USP20: variants seen among roughly 807,000 people sequenced by gnomAD.
USP20 encodes ubiquitin carboxyl-terminal hydrolase 20.
Under a neutral mutation model 124.2 loss-of-function variants are expected in USP20, and 80 were observed. The observed-to-expected ratio is 0.64, with a 90% CI of 0.54 to 0.78. The LOEUF is 0.78. Ranked by LOEUF, USP20 falls within the 30% of genes least tolerant of loss-of-function variation. The pLI is 0.00. For synonymous variants in USP20, 481 were observed against 512.3 expected (o/e 0.94, Z 0.83); for missense variants, 1,043 against 1,244.4 (o/e 0.84, Z 2.44).
At chr9:129,868,731 G>A in intron 11 of USP20, 131 bp from the exon 12 acceptor site, 1 of 1,430,184 alleles carries the variant, frequency 7.0e-7, no homozygotes, top group Middle Eastern at 2.6e-4. Flanking sequence ...CCAGGAGTGG[G>A]CACATGACAG....
intron 6 of USP20, among the ~76,000 whole-genome samples, chr9:129,859,233 C>T (rs560969688): frequency 4.9e-3 from 121 of 24,768 alleles, no homozygotes; most frequent in African/African-American, 0.011. Flanking sequence ...ATGTGTGCAG[C>T]ATCTGCATGG....
At chr9:129,857,100 C>T (rs1032515287) in intron 4 of USP20, among the ~76,000 whole-genome samples, 5 of 151,888 alleles carry the variant, frequency 3.3e-5, no homozygotes, top group Non-Finnish European at 7.4e-5. Flanking sequence ...ACAGCAGCAG[C>T]GAGTGAAGAC....
intron 1 of USP20, among the ~76,000 whole-genome samples, chr9:129,848,196 T>C (rs1014226246): frequency 2.6e-5 from 4 of 152,066 alleles, no homozygotes; most frequent in African/African-American, 9.7e-5. Context: ...CTCAAGGGGC[T>C]GAGGCAAGAG....
intron 15 of USP20, among the ~76,000 whole-genome samples, chr9:129,872,689 T>A (rs1013329145): frequency 6.6e-6 from 1 of 152,178 alleles, no homozygotes; most frequent in African/African-American, 2.4e-5. Context: ...CCATTTTGAC[T>A]TAATTTTCAC....
intron 10 of USP20, 112 bp from the exon 11 acceptor site, chr9:129,867,893 C>A: frequency 7.6e-7 from 1 of 1,318,656 alleles, no homozygotes. Flanking sequence ...CTGCAGGGGG[C>A]GCCCATGAGG....
chr9:129,852,528 G>T lies in USP20; in HGVS notation c.-16-12G>T. The T allele has an allele frequency of 6.4e-7, 1 of 1,574,770 alleles. No homozygotes were observed. The highest frequency in any genetic ancestry group is 8.6e-7 in the Non-Finnish European group (1 of 1,158,846). On this transcript the variant is annotated splice_polypyrimidine_tract_variant and intron_variant, in intron 2 of 25. Coordinates refer to ENST00000372429, the MANE Select transcript of USP20 (RefSeq NM_001110303.4). Reference sequence around the variant, plus strand: ...CTGCCATTAACCCGGGATTGCTTGTGTCTTCTCATAGGTGAGCCCAGGCCA... The same window carrying T: ...CTGCCATTAACCCGGGATTGCTTGTTTCTTCTCATAGGTGAGCCCAGGCCA...
chr9:129,875,701 A>G (rs41279156), intron 21 of USP20, 60 bp downstream of exon 21: 26,434 of 1,553,484 alleles, frequency 0.017, 292 homozygotes, highest in East Asian at 0.024. Flanking sequence ...GGGCAGGAAA[A>G]GAGGGGAGGG....
intron 1 of USP20, among the ~76,000 whole-genome samples, chr9:129,838,407 A>T (rs1270972620): frequency 6.6e-6 from 1 of 152,190 alleles, no homozygotes; most frequent in Non-Finnish European, 1.5e-5. Context: ...GTCATGGCTC[A>T]ATAAATAGAA....
intron 15 of USP20, 71 bp downstream of exon 15, chr9:129,870,618 G>A (rs149164702): frequency 1.1e-4 from 172 of 1,530,470 alleles, no homozygotes; most frequent in African/African-American, 1.8e-4. Flanking sequence ...GACCCCAGCA[G>A]GCCAGCATGC....
intron 22 of USP20, among the ~76,000 whole-genome samples, chr9:129,876,790 A>G (rs887199822): frequency 6.6e-6 from 1 of 152,112 alleles, no homozygotes; most frequent in African/African-American, 2.4e-5. Flanking sequence ...GAACCAGTAG[A>G]TGGATCCCAT....
intron 12 of USP20, 121 bp downstream of exon 12, chr9:129,869,123 C>A: frequency 7.1e-7 from 1 of 1,414,022 alleles, no homozygotes; most frequent in Non-Finnish European, 9.5e-7. Flanking sequence ...TCAGGTACAC[C>A]CCTGAGACAC....
intron 1 of USP20, among the ~76,000 whole-genome samples, chr9:129,843,510 G>A (rs569937933): frequency 6.6e-6 from 1 of 151,648 alleles, no homozygotes; most frequent in South Asian, 2.1e-4. Context: ...TGAGGCAGGC[G>A]GATCACCTGA....
chr9:129,871,332 AGCGT>A (rs1564217565), intron 15 of USP20, among the ~76,000 whole-genome samples: 1 of 12,874 alleles, frequency 7.8e-5, no homozygotes, highest in African/African-American at 8.3e-5. Flanking sequence ...TCCACGTTGC[AGCGT>A]GTGTGTCGGA....
At chr9:129,875,947 CCCTT>C (rs1329559373) in intron 21 of USP20, among the ~76,000 whole-genome samples, 179 bp from the exon 22 acceptor site, 1 of 152,298 alleles carries the variant, frequency 6.6e-6, no homozygotes, top group Non-Finnish European at 1.5e-5. Flanking sequence ...AGCAGGACCT[CCCTT>C]GGGCTGTGGG....
chr9:129,869,981 C>A, intron 14 of USP20, 137 bp downstream of exon 14: 1 of 1,040,440 alleles, frequency 9.6e-7, no homozygotes, highest in Non-Finnish European at 1.4e-6. Context: ...CCGAAGCCTG[C>A]AGAGGAGTTG....
At chr9:129,848,112 C>T (rs965656629) in intron 1 of USP20, among the ~76,000 whole-genome samples, 4 of 152,090 alleles carry the variant, frequency 2.6e-5, no homozygotes, top group African/African-American at 9.7e-5. Context: ...GCCTGACCAA[C>T]ATGGAGAAAC....
chr9:129,846,603 T>C (rs2032587517), intron 1 of USP20, among the ~76,000 whole-genome samples: 1 of 151,288 alleles, frequency 6.6e-6, no homozygotes. Context: ...TCAGCAAATA[T>C]TTTCTGAGAA....
At chr9:129,872,514 C>G (rs753672057) in intron 15 of USP20, among the ~76,000 whole-genome samples, 2 of 152,222 alleles carry the variant, frequency 1.3e-5, no homozygotes, top group African/African-American at 2.4e-5. Context: ...TCCTCCCATC[C>G]TGTAGGGTGC....
chr9:129,860,869 G>A, intron 6 of USP20, 68 bp from the exon 7 acceptor site: 2 of 1,527,946 alleles, frequency 1.3e-6, no homozygotes, highest in Non-Finnish European at 1.8e-6. Flanking sequence ...CAGCCCTTGG[G>A]AGACACCTGG....
Sources: gnomAD v4.1 joint callset for allele counts (sites outside exome capture counted in the v4.1 genomes callset) on GRCh38, gnomAD v4.1.1 for gene constraint, MANE v1.5 for transcripts, NCBI Gene and HGNC (gene_info 2026-07-23, HGNC 2026-07-21) for gene names.